CELF2: variants seen among roughly 807,000 people sequenced by gnomAD.
CELF2 encodes the protein CUGBP Elav-like family member 2, also known as CUG triplet repeat RNA-binding protein 2.
In CELF2, 8 loss-of-function variants were observed where a neutral mutation model predicts 62.6. That is an observed-to-expected ratio of 0.13 (90% CI 0.07 to 0.23). CELF2 has a LOEUF of 0.23. Ranked by LOEUF, CELF2 falls within the 10% of genes least tolerant of loss-of-function variation. The pLI is 1.00. For missense variants in CELF2, 333 were observed against 671.0 expected, an observed-to-expected ratio of 0.50 and a Z score of 5.56; for synonymous variants, 258 against 250.0, an observed-to-expected ratio of 1.03 and a Z score of -0.30.
chr10:10,596,103 A>C, the CELF2 span, among the ~76,000 whole-genome samples: 9 of 152,104 alleles, frequency 5.9e-5, no homozygotes, highest in African/African-American at 2.2e-4. Flanking sequence ...GCTAAGCCCC[A>C]GTTTGGGACT....
In CELF2 at chr10:11,040,723, C is replaced by T. The variant is rs575326975; in HGVS notation, c.74+22560C>T. Among the ~76,000 whole-genome samples the T allele has an allele frequency of 2.9e-4, 42 of 147,348 alleles. 1 individual carries two copies. Among genetic ancestry groups the T allele is most frequent in the African/African-American group, 9.5e-4 (38 of 39,900 alleles). On this transcript the variant is annotated intron_variant, in intron 1 of 12. Transcript: ENST00000633077. ...CTCATGGAAATGATTTTTTATTTCC[C>T]TTTGATTTTGTGAGTTCTTCTCTTC...
chr10:10,651,471 G>T, the CELF2 span, among the ~76,000 whole-genome samples: 12 of 126,790 alleles, frequency 9.5e-5, no homozygotes, highest in South Asian at 3.6e-4. Context: ...AAATGTCCCT[G>T]TCTGACAGCT....
At chr10:10,759,232 C>T in the CELF2 span, among the ~76,000 whole-genome samples, 4 of 152,068 alleles carry the variant, frequency 2.6e-5, no homozygotes, top group African/African-American at 7.2e-5. Flanking sequence ...AACTCATCCA[C>T]CCTACATAAA....
chr10:10,584,129 G>A, the CELF2 span, among the ~76,000 whole-genome samples: 1 of 152,140 alleles, frequency 6.6e-6, no homozygotes, highest in Non-Finnish European at 1.5e-5. Context: ...CAAGAAATAA[G>A]AGGTCAGGAT....
the CELF2 span, among the ~76,000 whole-genome samples, chr10:10,605,612 G>A: frequency 6.6e-5 from 10 of 152,246 alleles, no homozygotes; most frequent in Non-Finnish European, 1.2e-4. Context: ...CGTGAAATCA[G>A]CTTAGAGCAT....
chr10:10,737,344 T>TA, the CELF2 span, among the ~76,000 whole-genome samples: 1 of 152,160 alleles, frequency 6.6e-6, no homozygotes, highest in African/African-American at 2.4e-5. Flanking sequence ...GCATGAGGAA[T>TA]TACTAAGTCA....
At position 10,806,709 on chromosome 10, in the gene CELF2, T is replaced by A. The variant is rs1055770686; in HGVS notation, c.53+7892T>A. On this transcript the variant is annotated intron_variant, in intron 1 of 13. Transcript: ENST00000636488. ...AAGGATCTTGGCCATCAGGTTTCAGTTCTCATTGATGACAAGTCAGGTGGA... is the reference window on the plus strand; with the variant it reads ...AAGGATCTTGGCCATCAGGTTTCAGATCTCATTGATGACAAGTCAGGTGGA... Among the ~76,000 whole-genome samples the A allele has an allele frequency of 2.0e-5, 3 of 152,292 alleles. No individual in the cohort carries two copies. The East Asian group carries it at 5.8e-4, about 29-fold the overall frequency.
At chr10:10,616,691 CGTGTGTGTGTGTGT>C in the CELF2 span, among the ~76,000 whole-genome samples, 5 of 134,428 alleles carry the variant, frequency 3.7e-5, no homozygotes, top group Non-Finnish European at 6.3e-5. Context: ...TGTGTGTGTG[CGTGTGTGTGTGTGT>C]GTGTGTGTGT....
chr10:10,798,608 G>C (rs1034425747), upstream of CELF2: 5 of 396,286 alleles, frequency 1.3e-5, no homozygotes, highest in South Asian at 1.4e-4. Context: ...ATTGATTTGC[G>C]GGGTGGAGAG....
the CELF2 span, among the ~76,000 whole-genome samples, chr10:10,728,309 C>G: frequency 6.6e-6 from 1 of 150,972 alleles, no homozygotes; most frequent in Non-Finnish European, 1.5e-5. Flanking sequence ...AAAAATTAGC[C>G]AGGCGTGGTG....
the CELF2 span, among the ~76,000 whole-genome samples, chr10:10,498,739 A>G: frequency 2.9e-4 from 44 of 152,362 alleles, no homozygotes; most frequent in African/African-American, 9.6e-4. Flanking sequence ...AAATCCACGG[A>G]AAATGAGGAA....
chr10:10,755,953 T>A, the CELF2 span, among the ~76,000 whole-genome samples: 1 of 152,236 alleles, frequency 6.6e-6, no homozygotes, highest in Non-Finnish European at 1.5e-5. Flanking sequence ...ACCATCCCTC[T>A]GTTGTTCAGT....
At chr10:10,574,557 A>G in the CELF2 span, among the ~76,000 whole-genome samples, 1 of 152,226 alleles carries the variant, frequency 6.6e-6, no homozygotes, top group African/African-American at 2.4e-5. Context: ...ATTTAATTTT[A>G]AAAAGTATGG....
rs559853813 is a variant in CELF2 at position 10,868,353 on chromosome 10, G to A, written c.54-51611G>A. On this transcript the variant is annotated intron_variant, in intron 1 of 13. Transcript: ENST00000636488. Reference sequence around the variant, plus strand: ...CTGGGAGCTCAGCTGCTTGTGACTCGAATACCTACATAAGGCCCCTCCATG... The same window carrying A: ...CTGGGAGCTCAGCTGCTTGTGACTCAAATACCTACATAAGGCCCCTCCATG... Among the ~76,000 whole-genome samples, 69 of 152,294 alleles carry A rather than the reference G, an allele frequency of 4.5e-4. 1 individual carries two copies. The South Asian group carries it at 0.013, about 28-fold the overall frequency.
intron 1 of CELF2, among the ~76,000 whole-genome samples, chr10:10,874,088 G>T (rs558864733): frequency 1.3e-4 from 20 of 152,278 alleles, no homozygotes; most frequent in African/African-American, 4.6e-4. Context: ...AGGCAGCCAG[G>T]CTCGCTTGAG....
intron 1 of CELF2, among the ~76,000 whole-genome samples, chr10:11,150,723 A>G (rs778794537): frequency 6.6e-6 from 1 of 152,222 alleles, no homozygotes; most frequent in African/African-American, 2.4e-5. Context: ...AAGCTGTGCT[A>G]TGCAACACTT....
At position 11,157,212 on chromosome 10, in the gene CELF2, T is replaced by C. The variant is rs2064653344; in HGVS notation, c.75-8274T>C. 6.6e-6 allele frequency among the ~76,000 whole-genome samples: 1 copy of C among 152,150 alleles called. No homozygotes were observed. On this transcript the variant is annotated intron_variant, in intron 1 of 12. Coordinates refer to ENST00000633077, the MANE Select transcript of CELF2 (RefSeq NM_001326342.2). This position sits in a 1 kb window ranked among gnomAD's most constrained non-coding sequence, Gnocchi z 4.9. ...GGGTCTTTGCTGGTACTTCCGTGCCTCTCACACATGCATGGTTGTAGAGGA... is the reference window on the plus strand; with the variant it reads ...GGGTCTTTGCTGGTACTTCCGTGCCCCTCACACATGCATGGTTGTAGAGGA...
chr10:11,055,797 T>C (rs2065113918), intron 1 of CELF2, among the ~76,000 whole-genome samples: 1 of 152,220 alleles, frequency 6.6e-6, no homozygotes, highest in African/African-American at 2.4e-5. Flanking sequence ...TCTTTTCTTC[T>C]TTTCCCTCTC....
At chr10:10,933,170 G>T (rs1015618616) in intron 2 of CELF2, among the ~76,000 whole-genome samples, 1 of 151,796 alleles carries the variant, frequency 6.6e-6, no homozygotes, top group South Asian at 2.1e-4. Context: ...AGGCATGGTG[G>T]CACACGGCTG....
Sources: gnomAD v4.1 joint callset for allele counts (sites outside exome capture counted in the v4.1 genomes callset) on GRCh38, gnomAD v4.1.1 for gene constraint, Gnocchi (gnomAD v3.1) non-coding constraint, MANE v1.5 for transcripts, NCBI Gene and HGNC (gene_info 2026-07-23, HGNC 2026-07-21) for gene names.